KIF13B: variants seen among roughly 807,000 people sequenced by gnomAD.
The protein encoded by KIF13B is kinesin family member 13B, also known as kinesin-like protein KIF13B.
KIF13B carries 127 observed loss-of-function variants against 222.0 expected under a neutral mutation model. That is an observed-to-expected ratio of 0.57 (90% confidence interval 0.50 to 0.66). KIF13B has a LOEUF of 0.66. Among genes scored for constraint, KIF13B ranks in the 30% least tolerant of loss-of-function variants. KIF13B has a pLI of 0.00. For missense variants in KIF13B, 2,173 were observed against 2,379.0 expected, an observed-to-expected ratio of 0.91 and a Z score of 1.80; for synonymous variants, 976 against 919.0, an observed-to-expected ratio of 1.06 and a Z score of -1.12.
intron 35 of KIF13B, among the ~76,000 whole-genome samples, chr8:29,105,520 A>C (rs959979642): frequency 6.6e-6 from 1 of 152,094 alleles, no homozygotes; most frequent in African/African-American, 2.4e-5. Flanking sequence ...GCTGGGTTCT[A>C]ATAGCATCTC....
At chr8:29,191,978 T>C (rs1813210999) in intron 3 of KIF13B, among the ~76,000 whole-genome samples, 1 of 152,230 alleles carries the variant, frequency 6.6e-6, no homozygotes, top group East Asian at 1.9e-4. Flanking sequence ...TTCCTGATGA[T>C]GGTTTGCATG....
chr8:29,139,652 G>A (rs956313924), intron 21 of KIF13B, among the ~76,000 whole-genome samples: 1 of 152,166 alleles, frequency 6.6e-6, no homozygotes, highest in Non-Finnish European at 1.5e-5. Flanking sequence ...AAAGAGGACT[G>A]GTTCTAGGAT....
chr8:29,125,831 G>A (rs1014161441), intron 26 of KIF13B, among the ~76,000 whole-genome samples: 5 of 152,076 alleles, frequency 3.3e-5, no homozygotes, highest in South Asian at 2.1e-4. Context: ...AAATTCAGTC[G>A]GGCGCGGTGG....
Position 29,177,517 on chromosome 8 carries a change from G to T in KIF13B, c.782C>A (p.Thr261Lys). The change falls in exon 9 of 40, where the codon ACG becomes AAG. Residue 261 changes from threonine to lysine, a missense_variant. Physicochemically the swap from Thr to Lys is moderately conservative, Grantham distance 78 (BLOSUM62 -1). Around this residue, in one of 2 missense-constraint regions of KIF13B, gnomAD observed 1,480 missense variants for 1,722.8 expected, o/e 0.86. Coordinates refer to ENST00000524189, the MANE Select transcript of KIF13B (RefSeq NM_015254.4). ...CCTGTCCCCTGCAGCGCCTGTCTTC[G>T]TTGCTCGTTCACTGCCAGCTAAATC... ...LVDLAGSERA[T>K]KTGAAGDRLK... 1 of 1,613,804 alleles carries T rather than the reference G, an allele frequency of 6.2e-7. No homozygotes were observed. The highest frequency in any genetic ancestry group is 8.5e-7 in the Non-Finnish European group (1 of 1,179,798).
chr8:29,070,435 C>T lies in KIF13B; in HGVS notation c.*69G>A. The T allele has an allele frequency of 6.4e-7, 1 of 1,565,842 alleles. No individual in the cohort carries two copies. The highest frequency in any genetic ancestry group is 8.7e-7 in the Non-Finnish European group (1 of 1,152,898). ...AGGGGCCACCGGGCTCCTGGCTCCT[C>T]AGGGCTGTCACTGGCAGGGCTCAAA... On this transcript the variant is annotated 3_prime_UTR_variant, in exon 40 of 40. Transcript: ENST00000524189. This position sits in a 1 kb window ranked among gnomAD's most constrained non-coding sequence, Gnocchi z 4.1.
At chr8:29,137,361 A>C (rs1810611554) in intron 21 of KIF13B, among the ~76,000 whole-genome samples, 1 of 152,262 alleles carries the variant, frequency 6.6e-6, no homozygotes. Flanking sequence ...TTGCACACAA[A>C]AACTATAACC....
At chr8:29,107,562 CTT>C (rs35539806) in intron 35 of KIF13B, among the ~76,000 whole-genome samples, 22,714 of 134,526 alleles carry the variant, frequency 0.17, 2,130 homozygotes, top group African/African-American at 0.3. Context: ...TTTGAAGTTT[CTT>C]TTTTTTTTTT....
At chr8:29,229,443 A>G (rs536626472) in intron 2 of KIF13B, among the ~76,000 whole-genome samples, 2 of 152,326 alleles carry the variant, frequency 1.3e-5, no homozygotes, top group South Asian at 2.1e-4. Context: ...TGTGATGCCT[A>G]TATCGTTTGT....
chr8:29,101,687 C>T (rs894400325), intron 35 of KIF13B, among the ~76,000 whole-genome samples: 1 of 152,216 alleles, frequency 6.6e-6, no homozygotes, highest in Non-Finnish European at 1.5e-5. Flanking sequence ...CTGCCCTCTA[C>T]CTGAACAGTC....
At chr8:29,206,638 T>G (rs1813955254) in intron 2 of KIF13B, among the ~76,000 whole-genome samples, 1 of 152,176 alleles carries the variant, frequency 6.6e-6, no homozygotes, top group Non-Finnish European at 1.5e-5. Context: ...CTTCTGATAG[T>G]CATTCATTCA....
intron 10 of KIF13B, 91 bp downstream of exon 10, chr8:29,175,977 G>GA: frequency 2.7e-6 from 2 of 730,480 alleles, no homozygotes; most frequent in South Asian, 3.1e-5. Context: ...TAGAGGAAAT[G>GA]ATACCTGGAA....
In KIF13B at chr8:29,070,770, C is replaced by CG; in HGVS notation, c.5219-5dup. On this transcript the variant is annotated splice_polypyrimidine_tract_variant and splice_region_variant and intron_variant, in intron 39 of 39. Transcript: ENST00000524189. This position sits in a 1 kb window ranked among gnomAD's most constrained non-coding sequence, Gnocchi z 4.1. ...CCGATGGAACCGTCATTCTTACCTG[C>CG]GGGGGAAGGAGAGGGTGATATGGAG... 2 of 1,586,326 alleles carry CG rather than the reference C, an allele frequency of 1.3e-6. No homozygotes were observed. The highest frequency in any genetic ancestry group is 4.6e-5 in the East Asian group (2 of 43,526).
At chr8:29,120,051 T>G (rs1465164849) in intron 29 of KIF13B, among the ~76,000 whole-genome samples, 1 of 152,194 alleles carries the variant, frequency 6.6e-6, no homozygotes, top group Admixed American at 6.5e-5. Flanking sequence ...TAATCTACTC[T>G]TCCATTTTCT....
chr8:29,224,867 A>C (rs921707671), intron 2 of KIF13B, among the ~76,000 whole-genome samples: 1 of 152,248 alleles, frequency 6.6e-6, no homozygotes, highest in African/African-American at 2.4e-5. Flanking sequence ...AATAGGGATG[A>C]TGAGACTTCT....
rs573287352 is a variant in KIF13B at position 29,191,684 on chromosome 8, G to A, written c.163-627C>T. Among the ~76,000 whole-genome samples the A allele has an allele frequency of 1.3e-4, 20 of 152,328 alleles. No individual in the cohort carries two copies. The South Asian group carries it at 3.5e-3, about 27-fold the overall frequency. The stretch of plus-strand genomic sequence containing the variant: ...CTTGGTGGGATCTTACAGATGATCT[G>A]TTTTGATCTTTCACCTTATCACCAC... On this transcript the variant is annotated intron_variant, in intron 3 of 39. Coordinates refer to ENST00000524189, the MANE Select transcript of KIF13B (RefSeq NM_015254.4).
chr8:29,260,436 G>A (rs546990932), intron 1 of KIF13B, among the ~76,000 whole-genome samples: 7 of 152,108 alleles, frequency 4.6e-5, no homozygotes, highest in East Asian at 3.9e-4. Flanking sequence ...GGTTGCTTCC[G>A]GCACCTATAT....
At chr8:29,087,410 T>C (rs1456521789) in intron 37 of KIF13B, among the ~76,000 whole-genome samples, 3 of 152,196 alleles carry the variant, frequency 2.0e-5, no homozygotes, top group African/African-American at 7.2e-5. Context: ...CTCAGAAAGA[T>C]CTTGATATCC....
At position 29,148,801 on chromosome 8, in the gene KIF13B, T is replaced by G. The variant is rs758223945; in HGVS notation, c.1623-34A>C. On this transcript the variant is annotated intron_variant, in intron 15 of 39. Transcript: ENST00000524189. ...GAAAAAGAGTATTATTTTCTGAAGT[T>G]AAGATAGGCACTTATTCATGTCATT... 3.3e-6 allele frequency: 5 copies of G among 1,524,604 alleles called. No homozygotes were observed. The African/African-American group carries it at 5.5e-5, about 17-fold the overall frequency. 94.4% of individuals were successfully genotyped at this position (1,524,604 alleles called of 1,614,324 possible).
chr8:29,124,061 G>A lies in KIF13B; in HGVS notation c.3315C>T (p.Tyr1105=). The stretch of plus-strand genomic sequence containing the variant: ...CAAGCTTTTGCAATTGTTGATCCAA[G>A]TACTCCTGACGTTTTGTTAATGCAT... ...WLNALTKRQE[Y]LDQQLQKLVS... Residue 1105 remains tyrosine, a synonymous_variant, in exon 27 of 40, where the codon TAC becomes TAT. Transcript: ENST00000524189. 2.5e-6 allele frequency: 4 copies of A among 1,612,918 alleles called. No individual in the cohort carries two copies. Among genetic ancestry groups the A allele is most frequent in the South Asian group, 1.1e-5 (1 of 90,928 alleles).
Sources: gnomAD v4.1 joint callset for allele counts (sites outside exome capture counted in the v4.1 genomes callset) on GRCh38, gnomAD v4.1.1 for gene constraint, gnomAD v4.1.1 regional missense constraint, Gnocchi (gnomAD v3.1) non-coding constraint, MANE v1.5 for transcripts, NCBI Gene and HGNC (gene_info 2026-07-23, HGNC 2026-07-21) for gene names.